The following RBMS2 variants were observed in gnomAD, a reference collection of about 807,000 sequenced individuals.
RBMS2 encodes RNA-binding motif, single-stranded-interacting protein 2.
In RBMS2, 38 loss-of-function variants were observed where a neutral mutation model predicts 58.4. The observed-to-expected ratio is 0.65, with a 90% CI of 0.50 to 0.85. The LOEUF (loss-of-function observed/expected upper bound fraction) is 0.85. Among genes scored for constraint, RBMS2 ranks in the 40% least tolerant of loss-of-function variants. The probability of loss-of-function intolerance (pLI) is 0.00; values close to 1 mark genes in which losing one functional copy is unlikely to be tolerated. For synonymous variants in RBMS2, 151 were observed against 180.7 expected (o/e 0.84, Z 1.32); for missense variants, 367 against 503.7 (o/e 0.73, Z 2.60).
intron 1 of RBMS2, among the ~76,000 whole-genome samples, chr12:56,558,590 CTTTT>C (rs10676323): frequency 1.1e-5 from 1 of 92,196 alleles, no homozygotes; most frequent in Non-Finnish European, 2.0e-5. Flanking sequence ...TTTCTTTTTC[CTTTT>C]TTTTTTTTTT....
At chr12:56,545,422 C>T (rs745416038) in intron 1 of RBMS2, among the ~76,000 whole-genome samples, 1 of 152,172 alleles carries the variant, frequency 6.6e-6, no homozygotes, top group Non-Finnish European at 1.5e-5. Flanking sequence ...ATAATTCACA[C>T]ATCATACAGT....
intron 1 of RBMS2, among the ~76,000 whole-genome samples, chr12:56,531,650 AC>A (rs975759217): frequency 6.6e-6 from 1 of 150,722 alleles, no homozygotes; most frequent in African/African-American, 2.4e-5. Flanking sequence ...ACATAGTGAA[AC>A]CCAGTCCCTA....
chr12:56,558,759 C>T (rs1229598717), intron 1 of RBMS2, among the ~76,000 whole-genome samples: 2 of 82,850 alleles, frequency 2.4e-5, no homozygotes, highest in African/African-American at 5.9e-5. Context: ...CCATGCACAC[C>T]TAATTTTTGC....
chr12:56,588,168 T>G (rs537881992), intron 11 of RBMS2, 126 bp from the exon 12 acceptor site: 2 of 763,396 alleles, frequency 2.6e-6, no homozygotes, highest in Middle Eastern at 2.6e-4. Flanking sequence ...ATGCAAATGC[T>G]CAGACCAATT....
chr12:56,561,838 C>T (rs1287359715), intron 1 of RBMS2, among the ~76,000 whole-genome samples: 2 of 149,258 alleles, frequency 1.3e-5, no homozygotes, highest in South Asian at 2.1e-4. Context: ...CTTTTCCAAA[C>T]GTGCTGTCGC....
chr12:56,558,861 A>G (rs745533404), intron 1 of RBMS2, among the ~76,000 whole-genome samples: 3 of 151,250 alleles, frequency 2.0e-5, no homozygotes, highest in African/African-American at 2.4e-5. Flanking sequence ...CAGCCTCCCA[A>G]TTTGCTGGGA....
intron 1 of RBMS2, among the ~76,000 whole-genome samples, chr12:56,535,522 C>A: frequency 6.7e-6 from 1 of 149,450 alleles, no homozygotes; most frequent in African/African-American, 2.5e-5. Context: ...AAATTTATAT[C>A]CAGTCTCATA....
intron 1 of RBMS2, among the ~76,000 whole-genome samples, chr12:56,553,861 A>G (rs1381587721): frequency 7.0e-6 from 1 of 143,490 alleles, no homozygotes; most frequent in African/African-American, 2.6e-5. Flanking sequence ...ATCTAACTCT[A>G]TCACCCAGGC....
At chr12:56,565,033 A>C (rs1277979620) in intron 2 of RBMS2, among the ~76,000 whole-genome samples, 1 of 152,158 alleles carries the variant, frequency 6.6e-6, no homozygotes, top group African/African-American at 2.4e-5. Context: ...AATAAAATAA[A>C]ATAAAATGGT....
intron 1 of RBMS2, among the ~76,000 whole-genome samples, chr12:56,562,184 G>A (rs755888392): frequency 2.6e-5 from 4 of 152,206 alleles, no homozygotes; most frequent in Non-Finnish European, 5.9e-5. Flanking sequence ...TATAAAGGAT[G>A]TATTAAAAGC....
intron 5 of RBMS2, among the ~76,000 whole-genome samples, chr12:56,574,025 A>G (rs1480047844): frequency 6.6e-6 from 1 of 151,940 alleles, no homozygotes. Context: ...ATTTTTAGTA[A>G]AGATGTGGTT....
At chr12:56,550,828 C>A in intron 1 of RBMS2, among the ~76,000 whole-genome samples, 2 of 147,548 alleles carry the variant, frequency 1.4e-5, no homozygotes. Flanking sequence ...GGTGACAGAG[C>A]AAGACTCTGT....
chr12:56,584,403 T>A (rs921846656), intron 9 of RBMS2, among the ~76,000 whole-genome samples: 4 of 147,326 alleles, frequency 2.7e-5, no homozygotes, highest in African/African-American at 7.6e-5. Context: ...CTGTACTTCA[T>A]CCTGTGCAAC....
chr12:56,529,354 A>G (rs899695930), intron 1 of RBMS2, among the ~76,000 whole-genome samples: 5 of 152,114 alleles, frequency 3.3e-5, no homozygotes, highest in Non-Finnish European at 7.4e-5. Flanking sequence ...GGAGCTCTAG[A>G]CCAGCCTGGG....
chr12:56,570,639 G>T (rs931689756), intron 4 of RBMS2, among the ~76,000 whole-genome samples: 1 of 152,092 alleles, frequency 6.6e-6, no homozygotes, highest in Non-Finnish European at 1.5e-5. Flanking sequence ...GTGCAGTGGC[G>T]CAATCTCGGC....
At chr12:56,582,931 A>G (rs1372510877) in intron 9 of RBMS2, among the ~76,000 whole-genome samples, 2 of 151,848 alleles carry the variant, frequency 1.3e-5, no homozygotes, top group Non-Finnish European at 2.9e-5. Context: ...CGGCCTCCCA[A>G]AGTGCTGCGC....
At chr12:56,543,623 G>A (rs1876570895) in intron 1 of RBMS2, among the ~76,000 whole-genome samples, 1 of 151,424 alleles carries the variant, frequency 6.6e-6, no homozygotes, top group Non-Finnish European at 1.5e-5. Context: ...AAAGTGCTGG[G>A]ATTACAGACA....
At chr12:56,561,421 C>A (rs1381992589) in intron 1 of RBMS2, among the ~76,000 whole-genome samples, 1 of 152,158 alleles carries the variant, frequency 6.6e-6, no homozygotes, top group Admixed American at 6.6e-5. Context: ...AACCTCATAA[C>A]CTCACTAGCA....
intron 9 of RBMS2, among the ~76,000 whole-genome samples, chr12:56,582,502 T>A (rs1252612461): frequency 6.6e-6 from 1 of 152,202 alleles, no homozygotes; most frequent in Non-Finnish European, 1.5e-5. Flanking sequence ...TTACATTCAC[T>A]CATCTCACTT....
Sources: allele counts gnomAD v4.1 joint callset (sites outside exome capture counted in the v4.1 genomes callset), GRCh38; gene constraint gnomAD v4.1.1; transcripts MANE v1.5; gene names NCBI Gene and HGNC (gene_info 2026-07-23, HGNC 2026-07-21).